Variants in LRP1B observed in about 807,000 individuals in gnomAD.
LRP1B encodes LDL receptor related protein 1B.
Under a neutral mutation model 556.6 loss-of-function variants are expected in LRP1B, and 217 were observed. The observed-to-expected ratio is 0.39, with a 90% CI of 0.35 to 0.44. The LOEUF (loss-of-function observed/expected upper bound fraction) is 0.44. LRP1B is among the 20% of genes least tolerant of loss of function. LRP1B has a pLI of 1.00. For synonymous variants in LRP1B, 2,047 were observed against 1,865.8 expected (o/e 1.10, Z -2.50); for missense variants, 5,053 against 5,620.8 (o/e 0.90, Z 3.23).
At position 142,052,611 on chromosome 2, in the gene LRP1B, G is replaced by A. The variant is rs535432900; in HGVS notation, c.82+78037C>T. 3.3e-5 allele frequency among the ~76,000 whole-genome samples: 5 copies of A among 152,164 alleles called. No individual in the cohort carries two copies. In the South Asian group the frequency reaches 6.2e-4, roughly 19 times the overall value. On this transcript the variant is annotated intron_variant, in intron 1 of 90. Transcript: ENST00000389484. Reference sequence around the variant, plus strand: ...ACTCAGAAAAGTTCCTCCCCCTCACGTGTAATGGCTGATGTCCAGGTGCGC... The same window carrying A: ...ACTCAGAAAAGTTCCTCCCCCTCACATGTAATGGCTGATGTCCAGGTGCGC...
chr2:141,751,830 T>A (rs1356856639), intron 2 of LRP1B, among the ~76,000 whole-genome samples: 3 of 150,902 alleles, frequency 2.0e-5, no homozygotes, highest in African/African-American at 7.3e-5. Flanking sequence ...AAGAATATAA[T>A]AGTTTCATAT....
At chr2:141,522,312 G>T (rs1684554502) in intron 2 of LRP1B, among the ~76,000 whole-genome samples, 1 of 152,050 alleles carries the variant, frequency 6.6e-6, no homozygotes, top group African/African-American at 2.4e-5. Flanking sequence ...CTTTTCCATT[G>T]ATGTTTCAGT....
intron 2 of LRP1B, among the ~76,000 whole-genome samples, chr2:141,576,003 C>T (rs760647976): frequency 3.2e-4 from 49 of 152,070 alleles, no homozygotes; most frequent in East Asian, 9.7e-4. Context: ...AATGTAAATT[C>T]GTTCAACCAT....
At chr2:141,299,779 A>G (rs1293242733) in intron 3 of LRP1B, among the ~76,000 whole-genome samples, 1 of 152,236 alleles carries the variant, frequency 6.6e-6, no homozygotes, top group African/African-American at 2.4e-5. Context: ...AATGAAAATA[A>G]GAATAATACT....
At position 141,392,982 on chromosome 2, in the gene LRP1B, G is replaced by A. The variant is rs1246975221; in HGVS notation, c.343+87414C>T. Among the ~76,000 whole-genome samples the A allele has an allele frequency of 2.6e-5, 4 of 152,060 alleles. No individual in the cohort carries two copies. In the East Asian group the frequency reaches 5.8e-4, roughly 22 times the overall value. ...CAGACTTAGGTTCAGATCTTTCAGC[G>A]CACTGTGAGCCTTGGCTTATCATAA... On this transcript the variant is annotated intron_variant, in intron 3 of 90. Transcript: ENST00000389484.
intron 2 of LRP1B, among the ~76,000 whole-genome samples, chr2:141,619,186 C>T (rs1338705052): frequency 6.6e-6 from 1 of 152,118 alleles, no homozygotes; most frequent in Admixed American, 6.6e-5. Flanking sequence ...TAGGGAATTT[C>T]TGCTTTTTAT....
intron 83 of LRP1B, among the ~76,000 whole-genome samples, chr2:140,305,894 G>C (rs1684044109): frequency 1.3e-5 from 2 of 151,986 alleles, no homozygotes; most frequent in South Asian, 4.2e-4. Context: ...GGCCTTTTCT[G>C]CATCTATTGA....
chr2:141,267,139 T>C (rs1034681828), intron 3 of LRP1B, among the ~76,000 whole-genome samples: 3 of 152,322 alleles, frequency 2.0e-5, no homozygotes, highest in Middle Eastern at 3.4e-3. Flanking sequence ...TTATTATCAT[T>C]ATAGTCACAA....
chr2:140,424,257 T>C (rs1463162033), intron 66 of LRP1B, among the ~76,000 whole-genome samples: 1 of 152,142 alleles, frequency 6.6e-6, no homozygotes, highest in Non-Finnish European at 1.5e-5. Context: ...AAAAAGTTAA[T>C]CCAAAAAATT....
intron 60 of LRP1B, among the ~76,000 whole-genome samples, chr2:140,472,040 G>C (rs11884294): frequency 0.27 from 41,388 of 151,902 alleles, 6,018 homozygotes; most frequent in African/African-American, 0.33. Flanking sequence ...CTTCAGTACT[G>C]CTGCATGCAT....
intron 78 of LRP1B, 134 bp from the exon 79 acceptor site, chr2:140,334,693 AAC>A (rs1478895469): frequency 1.0e-5 from 5 of 498,110 alleles, no homozygotes; most frequent in Non-Finnish European, 1.8e-5. Context: ...GTCAACTCAA[AAC>A]ACACAGAATG....
chr2:140,278,135 TTTTATA>T (rs1175535746), intron 84 of LRP1B, among the ~76,000 whole-genome samples: 4 of 151,806 alleles, frequency 2.6e-5, no homozygotes, highest in Non-Finnish European at 5.9e-5. Flanking sequence ...TATACTACAT[TTTTATA>T]TTTATATAAG....
intron 45 of LRP1B, among the ~76,000 whole-genome samples, chr2:140,539,951 G>T (rs1052012275): frequency 6.6e-6 from 1 of 152,060 alleles, no homozygotes; most frequent in African/African-American, 2.4e-5. Context: ...TTGGGTTGTA[G>T]TATCAACTTT....
At chr2:141,889,830 C>T (rs1002798523) in intron 1 of LRP1B, among the ~76,000 whole-genome samples, 5 of 152,082 alleles carry the variant, frequency 3.3e-5, no homozygotes, top group Non-Finnish European at 5.9e-5. Context: ...AAGTATAAAT[C>T]AGAACTCAAG....
intron 20 of LRP1B, among the ~76,000 whole-genome samples, chr2:140,944,289 G>C (rs539857299): frequency 5.3e-5 from 8 of 151,886 alleles, no homozygotes; most frequent in African/African-American, 1.4e-4. Flanking sequence ...ACCTTACCAG[G>C]CAAAAGAGTC....
chr2:140,255,853 C>T (rs1681651070), intron 86 of LRP1B, among the ~76,000 whole-genome samples: 1 of 152,160 alleles, frequency 6.6e-6, no homozygotes. Flanking sequence ...CTATGGGAAA[C>T]TTTTTACATA....
intron 2 of LRP1B, among the ~76,000 whole-genome samples, chr2:141,789,175 T>G (rs919749828): frequency 4.6e-5 from 7 of 151,974 alleles, no homozygotes; most frequent in African/African-American, 1.7e-4. Context: ...TTAGAAAAAT[T>G]TAATATACGG....
chr2:141,483,412 ACT>A (rs1559097377), intron 2 of LRP1B, among the ~76,000 whole-genome samples: 4 of 100,628 alleles, frequency 4.0e-5, no homozygotes, highest in Non-Finnish European at 6.6e-5. Flanking sequence ...GAATAGTGCC[ACT>A]ATAAACATAC....
chr2:141,709,713 A>C (rs762141869), intron 2 of LRP1B, among the ~76,000 whole-genome samples: 5 of 152,200 alleles, frequency 3.3e-5, no homozygotes, highest in Admixed American at 6.6e-5. Flanking sequence ...GTGTGGGCAA[A>C]GGGGCTCCAA....
Sources: gnomAD v4.1 joint callset for allele counts (sites outside exome capture counted in the v4.1 genomes callset) on GRCh38, gnomAD v4.1.1 for gene constraint, MANE v1.5 for transcripts, NCBI Gene and HGNC (gene_info 2026-07-23, HGNC 2026-07-21) for gene names.